The following ATG10 variants were observed in gnomAD, a reference collection of about 807,000 sequenced individuals.
ATG10 encodes ubiquitin-like-conjugating enzyme ATG10.
A neutral mutation model predicts 32.1 loss-of-function variants in ATG10; 30 were observed. The observed-to-expected ratio is 0.94, with a 90% CI of 0.70 to 1.27. ATG10 has a LOEUF of 1.27. Ranked by LOEUF, ATG10 falls within the 50% of genes most tolerant of loss-of-function variation. The pLI is 0.00. For missense variants in ATG10, 233 were observed against 262.3 expected, an observed-to-expected ratio of 0.89 and a Z score of 0.77; for synonymous variants, 87 against 91.5, an observed-to-expected ratio of 0.95 and a Z score of 0.28.
intron 2 of ATG10, among the ~76,000 whole-genome samples, chr5:82,021,354 G>A (rs905709635): frequency 6.6e-6 from 1 of 152,078 alleles, no homozygotes; most frequent in Non-Finnish European, 1.5e-5. Context: ...GGGGGGATTG[G>A]ATCCAGGACT....
chr5:81,983,440 G>T (rs1347662490), intron 1 of ATG10, among the ~76,000 whole-genome samples: 1 of 147,872 alleles, frequency 6.8e-6, no homozygotes, highest in African/African-American at 2.5e-5. Context: ...TCCCGGACGG[G>T]GTGGCTGGCC....
At chr5:82,160,561 A>G (rs908850441) in intron 3 of ATG10, among the ~76,000 whole-genome samples, 5 of 152,198 alleles carry the variant, frequency 3.3e-5, no homozygotes, top group African/African-American at 1.2e-4. Context: ...GTTTACTTCT[A>G]TGAGAAACTG....
intron 3 of ATG10, among the ~76,000 whole-genome samples, chr5:82,091,550 A>G (rs1440878721): frequency 1.3e-5 from 2 of 152,106 alleles, no homozygotes; most frequent in African/African-American, 2.4e-5. Context: ...CTTCTTAAAC[A>G]CTGTTAATTT....
chr5:82,203,604 T>A (rs937450400), intron 5 of ATG10, among the ~76,000 whole-genome samples: 5 of 152,332 alleles, frequency 3.3e-5, no homozygotes, highest in African/African-American at 1.2e-4. Flanking sequence ...TTATCTCATA[T>A]TGTTGTACTT....
At chr5:82,050,019 T>G (rs916284580) in intron 2 of ATG10, among the ~76,000 whole-genome samples, 3 of 152,158 alleles carry the variant, frequency 2.0e-5, no homozygotes, top group African/African-American at 7.2e-5. Flanking sequence ...CTTTCCCTCC[T>G]TCTCCTCTGA....
At chr5:82,220,775 T>G (rs1254026136) in intron 5 of ATG10, among the ~76,000 whole-genome samples, 3 of 151,356 alleles carry the variant, frequency 2.0e-5, no homozygotes, top group South Asian at 4.2e-4. Context: ...TTTTTTTTTT[T>G]GTTAAAGATG....
At chr5:82,060,692 C>G (rs1763738571) in intron 3 of ATG10, among the ~76,000 whole-genome samples, 1 of 152,090 alleles carries the variant, frequency 6.6e-6, no homozygotes, top group African/African-American at 2.4e-5. Context: ...GGTGAAACCC[C>G]CATCTCTACT....
At chr5:82,119,984 TTGTGTGTGTGTGTGTGTG>T (rs5869106) in intron 3 of ATG10, among the ~76,000 whole-genome samples, 6 of 148,200 alleles carry the variant, frequency 4.0e-5, no homozygotes, top group African/African-American at 1.5e-4. Flanking sequence ...CCACCATTTA[TTGTGTGTGTGTGTGTGTG>T]TGTGTGTGTG....
intron 3 of ATG10, among the ~76,000 whole-genome samples, chr5:82,090,489 GAATA>G (rs1272077878): frequency 3.3e-5 from 5 of 152,176 alleles, no homozygotes; most frequent in African/African-American, 1.2e-4. Context: ...GATGCTGAAT[GAATA>G]GAGTCAGTCT....
intron 3 of ATG10, among the ~76,000 whole-genome samples, chr5:82,140,173 G>T (rs1169453124): frequency 4.5e-4 from 43 of 94,864 alleles, no homozygotes; most frequent in South Asian, 1.3e-3. Context: ...CCGGCCAGCC[G>T]CCCCGTCCGG....
chr5:82,050,686 G>C (rs895959356), intron 2 of ATG10, among the ~76,000 whole-genome samples: 2 of 151,678 alleles, frequency 1.3e-5, no homozygotes, highest in Non-Finnish European at 2.9e-5. Flanking sequence ...CTGATTGATA[G>C]AGACTATTTC....
chr5:81,984,309 C>T (rs975198277), intron 1 of ATG10, among the ~76,000 whole-genome samples: 9 of 152,354 alleles, frequency 5.9e-5, no homozygotes, highest in South Asian at 2.1e-4. Context: ...CGCCTGCAAT[C>T]GCAGGCACTC....
chr5:82,097,239 G>T (rs1293392349), intron 3 of ATG10, among the ~76,000 whole-genome samples: 1 of 151,852 alleles, frequency 6.6e-6, no homozygotes, highest in Non-Finnish European at 1.5e-5. Context: ...AAATTTTTTT[G>T]TATTGAAATT....
chr5:82,050,503 C>T (rs987970421), intron 2 of ATG10, among the ~76,000 whole-genome samples: 1 of 151,924 alleles, frequency 6.6e-6, no homozygotes, highest in Non-Finnish European at 1.5e-5. Context: ...ATTTAGTCCT[C>T]TGTGCTTTGT....
chr5:82,112,663 C>T (rs1364288348), intron 3 of ATG10, among the ~76,000 whole-genome samples: 1 of 151,600 alleles, frequency 6.6e-6, no homozygotes, highest in African/African-American at 2.4e-5. Context: ...TCAGAATAAT[C>T]GATTGTAGAA....
intron 2 of ATG10, among the ~76,000 whole-genome samples, chr5:82,005,105 A>T (rs1016923566): frequency 1.3e-5 from 2 of 152,176 alleles, no homozygotes; most frequent in Non-Finnish European, 2.9e-5. Context: ...AACAAAAACA[A>T]CCAAATAAAT....
intron 2 of ATG10, among the ~76,000 whole-genome samples, chr5:81,995,124 G>GTA (rs776142718): frequency 6.6e-6 from 1 of 151,108 alleles, no homozygotes; most frequent in South Asian, 2.1e-4. Context: ...TCATGTGTGT[G>GTA]TATGTGTGTG....
chr5:82,186,739 T>C (rs951428773), intron 5 of ATG10, among the ~76,000 whole-genome samples: 9 of 152,094 alleles, frequency 5.9e-5, no homozygotes, highest in Admixed American at 5.2e-4. Context: ...ATTATAGTCA[T>C]GCGCCACCAT....
rs183476919 is a variant in ATG10, at chr5:82,110,660, T to C, written c.216+52058T>C. Among the ~76,000 whole-genome samples, 10 of 152,266 alleles carry C rather than the reference T, an allele frequency of 6.6e-5. No individual in the cohort carries two copies. The East Asian group carries it at 1.9e-3, about 29-fold the overall frequency. On this transcript the variant is annotated intron_variant, in intron 3 of 7. Coordinates refer to ENST00000282185, the MANE Select transcript of ATG10 (RefSeq NM_031482.5). ...TTTGATGGGGTTGTTTGTTTTTTTC[T>C]TGTAAATTTGTTTGAGTTCATTGTA...
Sources: allele counts gnomAD v4.1 joint callset (sites outside exome capture counted in the v4.1 genomes callset), GRCh38; gene constraint gnomAD v4.1.1; transcripts MANE v1.5; gene names NCBI Gene and HGNC (gene_info 2026-07-23, HGNC 2026-07-21).